Variants in ZNF385D observed in about 807,000 individuals in gnomAD.
ZNF385D encodes the protein zinc finger protein 659.
A neutral mutation model predicts 35.8 loss-of-function variants in ZNF385D; 15 were observed. The observed-to-expected ratio is 0.42, with a 90% CI of 0.28 to 0.64. ZNF385D has a LOEUF of 0.64. ZNF385D is among the 30% of genes least tolerant of loss of function. The pLI, the probability that ZNF385D is intolerant of heterozygous loss-of-function variation, is 0.23. For missense variants in ZNF385D, 474 were observed against 494.6 expected (o/e 0.96, Z 0.39); for synonymous variants, 212 against 186.8 (o/e 1.13, Z -1.10).
intron 2 of ZNF385D, among the ~76,000 whole-genome samples, chr3:22,214,083 A>G (rs1041480399): frequency 6.6e-6 from 1 of 152,206 alleles, no homozygotes; most frequent in Non-Finnish European, 1.5e-5. Context: ...GAACGGAGGG[A>G]CTGGCTGAAG....
At chr3:22,001,736 T>A (rs1356717332) in intron 3 of ZNF385D, among the ~76,000 whole-genome samples, 1 of 91,350 alleles carries the variant, frequency 1.1e-5, no homozygotes, top group East Asian at 2.2e-4. Flanking sequence ...ACAAAATAAG[T>A]CTCAATTAAA....
intron 3 of ZNF385D, among the ~76,000 whole-genome samples, chr3:21,963,677 C>T (rs1289527830): frequency 6.6e-6 from 1 of 152,144 alleles, no homozygotes; most frequent in African/African-American, 2.4e-5. Context: ...CAAGACATCT[C>T]TTTATATTAC....
At chr3:21,680,782 T>C (rs2066874422) in intron 1 of ZNF385D, among the ~76,000 whole-genome samples, 1 of 152,178 alleles carries the variant, frequency 6.6e-6, no homozygotes, top group African/African-American at 2.4e-5. Context: ...GCCTATAGCT[T>C]AAGAATTCCA....
chr3:21,830,826 C>T (rs1012552397), intron 3 of ZNF385D, among the ~76,000 whole-genome samples: 2 of 152,148 alleles, frequency 1.3e-5, no homozygotes, highest in Non-Finnish European at 2.9e-5. Flanking sequence ...TTGCCATTGC[C>T]TTGGGGTAGA....
intron 3 of ZNF385D, among the ~76,000 whole-genome samples, chr3:21,825,994 C>G (rs1259224336): frequency 6.6e-6 from 1 of 152,168 alleles, no homozygotes; most frequent in Non-Finnish European, 1.5e-5. Flanking sequence ...AATCTAATGC[C>G]TGATGATTTG....
chr3:22,355,865 A>G (rs774295599), intron 2 of ZNF385D, among the ~76,000 whole-genome samples: 1 of 152,010 alleles, frequency 6.6e-6, no homozygotes, highest in Non-Finnish European at 1.5e-5. Flanking sequence ...TTAACAAAGA[A>G]CAATTTATTT....
At chr3:21,911,343 T>A (rs1488550342) in intron 3 of ZNF385D, among the ~76,000 whole-genome samples, 1 of 151,982 alleles carries the variant, frequency 6.6e-6, no homozygotes, top group Non-Finnish European at 1.5e-5. Context: ...TCAAAGAGAA[T>A]GTAAAGTGTT....
chr3:22,107,595 A>G (rs985858312), intron 3 of ZNF385D, among the ~76,000 whole-genome samples: 1 of 152,270 alleles, frequency 6.6e-6, no homozygotes, highest in Admixed American at 6.5e-5. Context: ...AATTTTATTT[A>G]AAGTATAGAA....
chr3:21,973,092 A>C (rs1703368902), intron 3 of ZNF385D, among the ~76,000 whole-genome samples: 1 of 151,996 alleles, frequency 6.6e-6, no homozygotes, highest in African/African-American at 2.4e-5. Flanking sequence ...CTGATAATAA[A>C]ACCAGAAAAC....
chr3:22,309,966 A>T (rs1379818748), intron 2 of ZNF385D, among the ~76,000 whole-genome samples: 1 of 152,030 alleles, frequency 6.6e-6, no homozygotes, highest in African/African-American at 2.4e-5. Flanking sequence ...AAAGCCATGG[A>T]GGCTTGATGA....
intron 2 of ZNF385D, among the ~76,000 whole-genome samples, chr3:21,662,630 G>A (rs893853428): frequency 6.6e-6 from 1 of 152,166 alleles, no homozygotes; most frequent in Non-Finnish European, 1.5e-5. Flanking sequence ...ACTTCAGTTG[G>A]AAGCAAGGAA....
intron 2 of ZNF385D, among the ~76,000 whole-genome samples, chr3:21,624,399 A>G (rs1377671172): frequency 6.6e-6 from 1 of 152,112 alleles, no homozygotes; most frequent in Non-Finnish European, 1.5e-5. Flanking sequence ...TTTTCCCCAT[A>G]AAGCACTGCA....
intron 2 of ZNF385D, among the ~76,000 whole-genome samples, chr3:22,273,122 A>G (rs963036111): frequency 2.0e-5 from 3 of 152,022 alleles, no homozygotes; most frequent in African/African-American, 7.2e-5. Context: ...ATCATTTTAC[A>G]GAGTAACAAT....
At chr3:22,360,623 T>G (rs770546560) in intron 2 of ZNF385D, among the ~76,000 whole-genome samples, 1 of 152,042 alleles carries the variant, frequency 6.6e-6, no homozygotes, top group Non-Finnish European at 1.5e-5. Flanking sequence ...AGTAATGACA[T>G]GAAGTCTTAA....
chr3:21,543,275 A>C (rs1216058350), intron 3 of ZNF385D, among the ~76,000 whole-genome samples: 1 of 151,994 alleles, frequency 6.6e-6, no homozygotes. Context: ...AGATCACGCC[A>C]CTCTACTCCA....
intron 3 of ZNF385D, among the ~76,000 whole-genome samples, chr3:21,802,734 G>A (rs972244273): frequency 1.3e-5 from 2 of 152,162 alleles, no homozygotes; most frequent in Admixed American, 6.6e-5. Context: ...GTTAGTCTCT[G>A]AGCCTTTGTC....
intron 3 of ZNF385D, among the ~76,000 whole-genome samples, chr3:21,560,482 C>T (rs1036450485): frequency 6.6e-6 from 1 of 152,230 alleles, no homozygotes; most frequent in African/African-American, 2.4e-5. Flanking sequence ...GGCTGCAGAA[C>T]AGCAAAGATT....
intron 3 of ZNF385D, among the ~76,000 whole-genome samples, chr3:21,915,165 GCGTTACTTGACGGTA>G: frequency 6.6e-6 from 1 of 151,946 alleles, no homozygotes; most frequent in African/African-American, 2.4e-5. Flanking sequence ...AACTCTAGGT[GCGTTACTTGACGGTA>G]CTGAGGTTAT....
chr3:21,706,355 C>A (rs938380046), intron 1 of ZNF385D, among the ~76,000 whole-genome samples: 2 of 151,802 alleles, frequency 1.3e-5, no homozygotes, highest in African/African-American at 2.4e-5. Context: ...TGACAGCTCA[C>A]GTGACATTTT....
Sources: gnomAD v4.1 joint callset for allele counts (sites outside exome capture counted in the v4.1 genomes callset) on GRCh38, gnomAD v4.1.1 for gene constraint, MANE v1.5 for transcripts, NCBI Gene and HGNC (gene_info 2026-07-23, HGNC 2026-07-21) for gene names.